The following PLEKHG7 variants were observed in gnomAD, a reference collection of about 807,000 sequenced individuals.
The protein encoded by PLEKHG7 is pleckstrin homology domain-containing family G member 7.
In PLEKHG7, 77 loss-of-function variants were observed where a neutral mutation model predicts 85.2. That is an observed-to-expected ratio of 0.90 (90% CI 0.75 to 1.09). The LOEUF is 1.09. PLEKHG7 is among the 50% of genes least tolerant of loss of function. The pLI, the probability that PLEKHG7 is intolerant of heterozygous loss-of-function variation, is 0.00. For missense variants in PLEKHG7, 777 were observed against 804.3 expected (o/e 0.97, Z 0.41); for synonymous variants, 301 against 302.4 (o/e 1.00, Z 0.05).
chr12:92,748,567 G>A lies in PLEKHG7; in HGVS notation c.1251+2976G>A, dbSNP rs138900513. 2.1e-3 allele frequency among the ~76,000 whole-genome samples: 314 copies of A among 152,200 alleles called. 3 individuals carry two copies. The highest frequency in any genetic ancestry group is 7.3e-3 in the African/African-American group (305 of 41,498). On this transcript the variant is annotated intron_variant, in intron 10 of 16. Transcript: ENST00000344636. ...CCAGCTCACATGATGCTTTTATAAC[G>A]CATAATACTTCACCAGACACTTTCT... is the stretch of plus-strand genomic sequence containing the variant.
chr12:92,707,118 C>G lies in PLEKHG7; in HGVS notation c.487C>G (p.Leu163Val), dbSNP rs1401125810. 1.2e-6 allele frequency: 2 copies of G among 1,613,452 alleles called. No individual in the cohort carries two copies. The highest frequency in any genetic ancestry group is 2.2e-5 in the South Asian group (2 of 91,012). Residue 163 changes from leucine to valine, a missense_variant, in exon 2 of 17, where the codon CTA becomes GTA. By Grantham distance (32) the Leu-to-Val change is conservative. Coordinates refer to ENST00000344636, the MANE Select transcript of PLEKHG7 (RefSeq NM_001377329.1). ...AGGCCACTTCCTGCCCAGCCCCACC[C>G]TACGACACCCTAGTCCTCAGGTAAC... is the stretch of plus-strand genomic sequence containing the variant. ...QEGHFLPSPT[L>V]RHPSPQGEEL...
intron 3 of PLEKHG7, among the ~76,000 whole-genome samples, chr12:92,720,981 T>G (rs1323987153): frequency 1.3e-5 from 2 of 152,222 alleles, no homozygotes; most frequent in African/African-American, 2.4e-5. Context: ...GCTCTGTCAT[T>G]CACTACAACA....
At chr12:92,718,802 A>G (rs193033412) in intron 3 of PLEKHG7, among the ~76,000 whole-genome samples, 2 of 152,292 alleles carry the variant, frequency 1.3e-5, no homozygotes, top group African/African-American at 2.4e-5. Flanking sequence ...AGAAGGTGAG[A>G]TTTCTGGGCA....
chr12:92,728,034 A>T (rs71456574), intron 3 of PLEKHG7, among the ~76,000 whole-genome samples: 340 of 104,662 alleles, frequency 3.2e-3, no homozygotes, highest in Non-Finnish European at 5.2e-3. Flanking sequence ...TACACACCAC[A>T]TTCCATGGTG....
At chr12:92,709,514 A>G (rs1871327172) in intron 3 of PLEKHG7, among the ~76,000 whole-genome samples, 1 of 152,230 alleles carries the variant, frequency 6.6e-6, no homozygotes, top group Admixed American at 6.5e-5. Context: ...TGGTTAGAGA[A>G]GGCACCAGGG....
chr12:92,747,259 GA>G (rs36024259), intron 10 of PLEKHG7, among the ~76,000 whole-genome samples: 2 of 147,778 alleles, frequency 1.4e-5, no homozygotes, highest in Non-Finnish European at 1.5e-5. Flanking sequence ...ACAGGTATAT[GA>G]AAAAAAAAAA....
chr12:92,763,821 GA>G (rs1042562607), intron 14 of PLEKHG7, among the ~76,000 whole-genome samples: 11 of 151,638 alleles, frequency 7.3e-5, no homozygotes, highest in Middle Eastern at 3.4e-3. Context: ...CCTGTCTCAA[GA>G]AAAAAAATTT....
At position 92,706,810 on chromosome 12, in the gene PLEKHG7, G is replaced by A; in HGVS notation, c.179G>A (p.Gly60Glu). 2 of 1,613,978 alleles carry A rather than the reference G, an allele frequency of 1.2e-6. No homozygotes were observed. The highest frequency in any genetic ancestry group is 1.7e-6 in the Non-Finnish European group (2 of 1,180,034). ...TLRRLRTRGCGTRQDAWQVTT... is the reference protein window; with the variant it reads ...TLRRLRTRGCETRQDAWQVTT... ...AGGAGATTAAGGACCCGTGGCTGTG[G>A]GACAAGGCAGGATGCCTGGCAGGTG... The change falls in exon 2 of 17, where the codon GGG (glycine) becomes GAG (glutamate). Residue 60 changes from glycine (G) to glutamate (E), a missense_variant. By Grantham distance (98) the Gly-to-Glu change is moderately conservative (BLOSUM62 -2). Coordinates refer to ENST00000344636, the MANE Select transcript of PLEKHG7 (RefSeq NM_001377329.1).
intron 3 of PLEKHG7, among the ~76,000 whole-genome samples, chr12:92,715,443 T>C (rs1035460580): frequency 5.9e-5 from 9 of 152,138 alleles, no homozygotes; most frequent in South Asian, 2.1e-4. Context: ...GTATTAACCA[T>C]CACAAGATTC....
Position 92,761,623 on chromosome 12 carries a change from GAA to G in PLEKHG7, c.1637-128_1637-127del, listed in dbSNP as rs1873004397. The G allele has an allele frequency of 2.9e-5, 21 of 718,942 alleles. No individual in the cohort carries two copies. The African/African-American group carries it at 3.8e-4, about 13-fold the overall frequency. The allele number at this position is 718,942 out of a possible 1,614,324, so 44.5% of individuals were successfully genotyped here. A position where few individuals can be genotyped will look rare whatever the true frequency, so the allele number is the denominator to read the frequency against. On this transcript the variant is annotated intron_variant, in intron 13 of 16. Transcript: ENST00000344636. Reference sequence around the variant, plus strand: ...AAAGAAAGAAAAAGAAAGAAAGAAAGAAGAAAGAAAGAAAGAAAGAAAGAAAG... The same window carrying G: ...AAAGAAAGAAAAAGAAAGAAAGAAAGGAAAGAAAGAAAGAAAGAAAGAAAG...
At chr12:92,761,642 GAAAGAAA>G (rs1873020037) in intron 13 of PLEKHG7, 103 bp from the exon 14 acceptor site, 2 of 779,268 alleles carry the variant, frequency 2.6e-6, no homozygotes, top group Non-Finnish European at 3.5e-6. Flanking sequence ...AAGAAAGAAA[GAAAGAAA>G]GAAAGAAAGA....
chr12:92,717,708 T>A (rs943671244), intron 3 of PLEKHG7, among the ~76,000 whole-genome samples: 1 of 152,218 alleles, frequency 6.6e-6, no homozygotes, highest in Admixed American at 6.5e-5. Context: ...GTTTGTAGCC[T>A]GGGAACCCCC....
intron 3 of PLEKHG7, among the ~76,000 whole-genome samples, chr12:92,716,689 G>A (rs546105718): frequency 6.6e-6 from 1 of 152,340 alleles, no homozygotes; most frequent in Admixed American, 6.5e-5. Context: ...AGTACAGCCA[G>A]TACATTTCTC....
At position 92,770,074 on chromosome 12, in the gene PLEKHG7, C is replaced by CT. The variant is rs58179966; in HGVS notation, c.1969-7dup. The CT allele has an allele frequency of 3.9e-6, 6 of 1,532,490 alleles. No homozygotes were observed. The highest frequency in any genetic ancestry group is 1.2e-5 in the South Asian group (1 of 81,740). The allele number at this position is 1,532,490 out of a possible 1,614,324, so 94.9% of individuals were successfully genotyped here. ...CTAATCTCTATTTATGTATTTTTTT[C>CT]TTTTTTTCAACAGAAAACATGGATG... On this transcript the variant is annotated splice_polypyrimidine_tract_variant and intron_variant, in intron 16 of 16. Transcript: ENST00000344636.
At chr12:92,763,192 C>T (rs1219274719) in intron 14 of PLEKHG7, among the ~76,000 whole-genome samples, 1 of 152,058 alleles carries the variant, frequency 6.6e-6, no homozygotes, top group Non-Finnish European at 1.5e-5. Context: ...AGTTTACATG[C>T]CTCTTTGCTA....
In PLEKHG7 at chr12:92,771,399, T is replaced by A. The variant is rs1257380643; in HGVS notation, c.*1204T>A. On this transcript the variant is annotated 3_prime_UTR_variant, in exon 17 of 17. Transcript: ENST00000344636. ...ATGCAAACAAAGCAGTAAAGACAAGTGCAGCAGAAAGGCTTTTGTACAAGG... is the reference window on the plus strand; with the variant it reads ...ATGCAAACAAAGCAGTAAAGACAAGAGCAGCAGAAAGGCTTTTGTACAAGG... 1 of 151,964 alleles carries A rather than the reference T, an allele frequency of 6.6e-6. No individual in the cohort carries two copies. 9.4% of individuals were successfully genotyped at this position (151,964 alleles called of 1,614,324 possible). A position where few individuals can be genotyped will look rare whatever the true frequency, so the allele number is the denominator to read the frequency against.
At chr12:92,768,939 T>C in intron 15 of PLEKHG7, 44 bp from the exon 16 acceptor site, 1 of 1,342,512 alleles carries the variant, frequency 7.4e-7, no homozygotes, top group Non-Finnish European at 1.0e-6. Context: ...TTGGATTTCA[T>C]ATGAAATGAT....
intron 3 of PLEKHG7, 167 bp downstream of exon 3, chr12:92,707,839 T>G (rs1033714580): frequency 4.5e-5 from 51 of 1,143,456 alleles, no homozygotes; most frequent in Non-Finnish European, 6.2e-5. Context: ...AGTTTTCATT[T>G]CAAGAGTCTC....
intron 13 of PLEKHG7, among the ~76,000 whole-genome samples, chr12:92,761,004 C>T (rs550502717): frequency 1.2e-4 from 19 of 152,256 alleles, no homozygotes; most frequent in Admixed American, 4.6e-4. Flanking sequence ...TCCTGATGAG[C>T]GCTCTCTTCA....
Sources: allele counts gnomAD v4.1 joint callset (sites outside exome capture counted in the v4.1 genomes callset), GRCh38; gene constraint gnomAD v4.1.1; transcripts MANE v1.5; gene names NCBI Gene and HGNC (gene_info 2026-07-23, HGNC 2026-07-21).